Variants in IGF1R observed in about 807,000 individuals in gnomAD.
IGF1R encodes insulin-like growth factor 1 receptor.
Under a neutral mutation model 144.6 loss-of-function variants are expected in IGF1R, and 44 were observed. That is an observed-to-expected ratio of 0.30 (90% CI 0.24 to 0.39). IGF1R has a LOEUF of 0.39. IGF1R is among the 10% of genes least tolerant of loss of function. IGF1R has a pLI of 1.00. For missense variants in IGF1R, 1,355 were observed against 1,833.7 expected (o/e 0.74, Z 4.77); for synonymous variants, 795 against 722.8 (o/e 1.10, Z -1.60).
chr15:98,850,985 C>T (rs1313299063), intron 2 of IGF1R, among the ~76,000 whole-genome samples: 1 of 152,176 alleles, frequency 6.6e-6, no homozygotes, highest in Non-Finnish European at 1.5e-5. Flanking sequence ...CAAGTAGAGT[C>T]GGAGTACAGT....
At position 98,650,372 on chromosome 15, in the gene IGF1R, C is replaced by T. The variant is rs189445337; in HGVS notation, c.94+697C>T. 4.1e-3 allele frequency among the ~76,000 whole-genome samples: 623 copies of T among 152,290 alleles called. 4 individuals are homozygous for T. Among genetic ancestry groups the T allele is most frequent in the Non-Finnish European group, 6.8e-3 (460 of 68,000 alleles). On this transcript the variant is annotated intron_variant, in intron 1 of 20. Transcript: ENST00000650285. The stretch of plus-strand genomic sequence containing the variant: ...CTGCCCCCGGCGTCCCGGGGCTGGG[C>T]GGTGGGGTGAGGGGAAGCGCTCTCT...
intron 2 of IGF1R, among the ~76,000 whole-genome samples, chr15:98,839,128 T>G (rs1339951890): frequency 6.6e-6 from 1 of 152,258 alleles, no homozygotes; most frequent in Non-Finnish European, 1.5e-5. Context: ...CAGCTGGAGC[T>G]GACACTCATT....
chr15:98,683,606 A>C (rs1361637471), intron 1 of IGF1R, among the ~76,000 whole-genome samples: 2 of 152,234 alleles, frequency 1.3e-5, no homozygotes, highest in Non-Finnish European at 2.9e-5. Context: ...GAAGTTTTTC[A>C]GATGTTAGAG....
intron 20 of IGF1R, among the ~76,000 whole-genome samples, chr15:98,953,939 T>C (rs1340210951): frequency 6.6e-6 from 1 of 152,112 alleles, no homozygotes; most frequent in African/African-American, 2.4e-5. Flanking sequence ...ACAGGCCCCA[T>C]GTCCACAGCC....
At chr15:98,871,222 T>G (rs1306686935) in intron 2 of IGF1R, among the ~76,000 whole-genome samples, 2 of 152,230 alleles carry the variant, frequency 1.3e-5, no homozygotes, top group African/African-American at 4.8e-5. Context: ...AACCCGTAAC[T>G]TTGAGTAACC....
rs1596138102 is a variant in IGF1R at position 98,649,752 on chromosome 15, A to G, written c.94+77A>G. ...GGCTGCGCCCTGTTTGCGAAACCCGAGTTGCCACCGTCGCAGCTGTCGGGC... is the reference window on the plus strand; with the variant it reads ...GGCTGCGCCCTGTTTGCGAAACCCGGGTTGCCACCGTCGCAGCTGTCGGGC... On this transcript the variant is annotated intron_variant, in intron 1 of 20. Coordinates refer to ENST00000650285, the MANE Select transcript of IGF1R (RefSeq NM_000875.5). The G allele has an allele frequency of 7.2e-6, 8 of 1,118,648 alleles. No homozygotes were observed. In the East Asian group the frequency reaches 2.0e-4, roughly 28 times the overall value. 69.3% of individuals were successfully genotyped at this position (1,118,648 alleles called of 1,614,324 possible). A position where few individuals can be genotyped will look rare whatever the true frequency, so the allele number is the denominator to read the frequency against.
At chr15:98,756,265 T>A (rs929127841) in intron 2 of IGF1R, among the ~76,000 whole-genome samples, 3 of 142,092 alleles carry the variant, frequency 2.1e-5, no homozygotes, top group Non-Finnish European at 3.1e-5. Flanking sequence ...TTTTTTTTTT[T>A]AAGTTAGAGT....
At chr15:98,696,060 A>C in intron 1 of IGF1R, among the ~76,000 whole-genome samples, 2 of 141,228 alleles carry the variant, frequency 1.4e-5, no homozygotes, top group East Asian at 2.0e-4. Context: ...CCACAACATC[A>C]CATCGTCACA....
At chr15:98,749,957 T>TC (rs2054967180) in intron 2 of IGF1R, among the ~76,000 whole-genome samples, 1 of 152,064 alleles carries the variant, frequency 6.6e-6, no homozygotes, top group Non-Finnish European at 1.5e-5. Flanking sequence ...TATTTCTTAG[T>TC]GAACAAAGAT....
In IGF1R at chr15:98,958,199, A is replaced by C. The variant is rs954517399; in HGVS notation, c.*757A>C. 3.0e-5 allele frequency: 7 copies of C among 232,504 alleles called. No individual in the cohort carries two copies. The highest frequency in any genetic ancestry group is 5.1e-5 in the Non-Finnish European group (6 of 117,574). 14.4% of individuals were successfully genotyped at this position (232,504 alleles called of 1,614,324 possible). On this transcript the variant is annotated 3_prime_UTR_variant, in exon 21 of 21. Transcript: ENST00000650285. The stretch of plus-strand genomic sequence containing the variant: ...TCAAGGCCACAGGCACACAGGTCTC[A>C]TTGCTTCTGACTAGATTATTATTTG...
chr15:98,818,532 C>T (rs569432715), intron 2 of IGF1R, among the ~76,000 whole-genome samples: 5 of 150,056 alleles, frequency 3.3e-5, no homozygotes, highest in African/African-American at 1.2e-4. Flanking sequence ...GGTTTCTCAG[C>T]ATTGGCAGTA....
intron 2 of IGF1R, among the ~76,000 whole-genome samples, chr15:98,762,984 T>G (rs1160059286): frequency 4.7e-5 from 7 of 150,236 alleles, no homozygotes; most frequent in Non-Finnish European, 1.0e-4. Context: ...AGGCGGAAGT[T>G]GCAGTGAGCT....
At chr15:98,655,717 A>AT (rs962200072) in intron 1 of IGF1R, among the ~76,000 whole-genome samples, 33 of 147,246 alleles carry the variant, frequency 2.2e-4, no homozygotes, top group South Asian at 4.2e-4. Context: ...TGGACTACAG[A>AT]TTTTTTTTTC....
intron 2 of IGF1R, among the ~76,000 whole-genome samples, chr15:98,851,197 G>C (rs1032657010): frequency 1.3e-5 from 2 of 152,190 alleles, no homozygotes; most frequent in Non-Finnish European, 2.9e-5. Flanking sequence ...GGAACACAGC[G>C]GCTGAGGAAC....
At chr15:98,940,790 C>G (rs1163998832) in intron 18 of IGF1R, among the ~76,000 whole-genome samples, 1 of 152,206 alleles carries the variant, frequency 6.6e-6, no homozygotes, top group Non-Finnish European at 1.5e-5. Context: ...TATCCCAGAG[C>G]CCACATCCCT....
At chr15:98,697,601 G>A (rs2053623676) in intron 1 of IGF1R, among the ~76,000 whole-genome samples, 1 of 151,798 alleles carries the variant, frequency 6.6e-6, no homozygotes, top group African/African-American at 2.4e-5. Context: ...CTTCCATCTG[G>A]GTTCCCCTTG....
chr15:98,901,221 T>C (rs1393361102), intron 5 of IGF1R, among the ~76,000 whole-genome samples: 6 of 152,220 alleles, frequency 3.9e-5, no homozygotes, highest in African/African-American at 1.4e-4. Context: ...TGGCCTGCTC[T>C]TACCATTTTA....
At position 98,935,101 on chromosome 15, in the gene IGF1R, A is replaced by T; in HGVS notation, c.3186+48A>T. The T allele has an allele frequency of 2.1e-6, 3 of 1,444,098 alleles. No individual in the cohort carries two copies. The highest frequency in any genetic ancestry group is 2.9e-6 in the Non-Finnish European group (3 of 1,027,234). The allele number at this position is 1,444,098 out of a possible 1,614,324, so 89.5% of individuals were successfully genotyped here. A position where few individuals can be genotyped will look rare whatever the true frequency, so the allele number is the denominator to read the frequency against. Reference sequence around the variant, plus strand: ...CCAAAATGCAGCACAGGGAGAGGGTATCACACAAGCCTCCCAGTATGTTCT... The same window carrying T: ...CCAAAATGCAGCACAGGGAGAGGGTTTCACACAAGCCTCCCAGTATGTTCT... On this transcript the variant is annotated intron_variant, in intron 16 of 20. Coordinates refer to ENST00000650285, the MANE Select transcript of IGF1R (RefSeq NM_000875.5). The surrounding 1 kb of genome is among the most constrained non-coding windows in gnomAD (Gnocchi z 4.2).
rs776250673 is a variant in IGF1R at position 98,707,747 on chromosome 15, G to C, written c.280G>C (p.Glu94Gln). ...GCTGCTGTTCCGAGTGGCTGGCCTC[G>C]AGAGCCTCGGAGACCTCTTCCCCAA... ...YLLLFRVAGL[E>Q]SLGDLFPNLT... The change falls in exon 2 of 21, where the codon GAG (glutamate) becomes CAG (glutamine). Residue 94 changes from glutamate (E) to glutamine (Q), a missense_variant. This residue lies in a region of IGF1R where 75 missense variants were observed against 160.0 expected (regional missense o/e 0.47). Coordinates refer to ENST00000650285, the MANE Select transcript of IGF1R (RefSeq NM_000875.5). The surrounding 1 kb of genome is among the most constrained non-coding windows in gnomAD (Gnocchi z 6.7). 1 of 1,614,136 alleles carries C rather than the reference G, an allele frequency of 6.2e-7. No individual in the cohort carries two copies. Among genetic ancestry groups the C allele is most frequent in the Non-Finnish European group, 8.5e-7 (1 of 1,180,020 alleles).
Sources: allele counts gnomAD v4.1 joint callset (sites outside exome capture counted in the v4.1 genomes callset), GRCh38; gene constraint gnomAD v4.1.1; regional missense constraint gnomAD v4.1.1; non-coding constraint Gnocchi (gnomAD v3.1); transcripts MANE v1.5; gene names NCBI Gene and HGNC (gene_info 2026-07-23, HGNC 2026-07-21).